Variants in HYDIN observed in about 807,000 individuals in gnomAD.
The protein encoded by HYDIN is axonemal central pair apparatus protein HYDIN.
HYDIN carries 132 observed loss-of-function variants against 403.9 expected under a neutral mutation model. The observed-to-expected ratio is 0.33, with a 90% CI of 0.28 to 0.38. HYDIN has a LOEUF of 0.38. Among genes scored for constraint, HYDIN ranks in the 10% least tolerant of loss-of-function variants. The probability of loss-of-function intolerance (pLI) is 1.00; values close to 1 mark genes in which losing one functional copy is unlikely to be tolerated. For synonymous variants in HYDIN, 1,202 were observed against 1,891.7 expected, an observed-to-expected ratio of 0.64 and a Z score of 9.46; for missense variants, 2,827 against 5,009.5, an observed-to-expected ratio of 0.56 and a Z score of 13.15.
At chr16:71,130,529 G>A (rs921769024) in intron 8 of HYDIN, among the ~76,000 whole-genome samples, 13 of 129,110 alleles carry the variant, frequency 1.0e-4, no homozygotes, top group South Asian at 8.4e-4. Flanking sequence ...CGCCCAGGCC[G>A]GACTGCGGAC....
chr16:71,176,837 G>A (rs551631662), intron 4 of HYDIN, among the ~76,000 whole-genome samples: 6 of 152,140 alleles, frequency 3.9e-5, no homozygotes, highest in Non-Finnish European at 8.8e-5. Flanking sequence ...TGTGAGGGAC[G>A]GAGACACAAA....
intron 1 of HYDIN, among the ~76,000 whole-genome samples, chr16:71,209,634 A>G (rs781081368): frequency 7.2e-5 from 11 of 152,046 alleles, no homozygotes; most frequent in African/African-American, 2.7e-4. Context: ...TATCTAGAAA[A>G]CCCCACGGTC....
At position 71,128,113 on chromosome 16, in the gene HYDIN, G is replaced by C. The variant is rs1051957996; in HGVS notation, c.1227+1527C>G. Reference sequence around the variant, plus strand: ...CCTGTCCTGTGAGACTCAGGCCCAGGTTCTTCTCTCAAGAAGCCTTCTCCA... The same window carrying C: ...CCTGTCCTGTGAGACTCAGGCCCAGCTTCTTCTCTCAAGAAGCCTTCTCCA... On this transcript the variant is annotated intron_variant, in intron 9 of 85. Transcript: ENST00000393567. Among the ~76,000 whole-genome samples the C allele has an allele frequency of 5.9e-5, 9 of 151,978 alleles. 1 individual carries two copies. The highest frequency in any genetic ancestry group is 2.2e-4 in the African/African-American group (9 of 41,366).
intron 45 of HYDIN, among the ~76,000 whole-genome samples, chr16:70,931,730 A>G (rs1467107879): frequency 6.6e-6 from 1 of 152,156 alleles, no homozygotes; most frequent in East Asian, 1.9e-4. Flanking sequence ...AAAGGCAAAA[A>G]CAGGCTGGGT....
At chr16:71,019,239 T>G (rs996022800) in intron 22 of HYDIN, among the ~76,000 whole-genome samples, 1 of 152,278 alleles carries the variant, frequency 6.6e-6, no homozygotes, top group Admixed American at 6.5e-5. Context: ...TTAATGGGCA[T>G]GAAAGCCACC....
chr16:71,178,453 G>GTA (rs1414298629), intron 4 of HYDIN, among the ~76,000 whole-genome samples: 24 of 131,042 alleles, frequency 1.8e-4, no homozygotes, highest in Middle Eastern at 3.9e-3. Flanking sequence ...ATATATATAT[G>GTA]TATATATATA....
intron 1 of HYDIN, among the ~76,000 whole-genome samples, chr16:71,229,275 T>C (rs1447783449): frequency 6.6e-6 from 1 of 152,122 alleles, no homozygotes; most frequent in East Asian, 1.9e-4. Flanking sequence ...CTGCACGTTG[T>C]GCACATATAC....
At chr16:71,227,645 C>A (rs1348217064) in intron 1 of HYDIN, among the ~76,000 whole-genome samples, 1 of 152,184 alleles carries the variant, frequency 6.6e-6, no homozygotes, top group Non-Finnish European at 1.5e-5. Flanking sequence ...GTACAAACCA[C>A]TGCTCAACGA....
At chr16:71,161,286 G>A (rs1253594778) in intron 6 of HYDIN, among the ~76,000 whole-genome samples, 1 of 152,138 alleles carries the variant, frequency 6.6e-6, no homozygotes, top group Non-Finnish European at 1.5e-5. Flanking sequence ...GCGGAGCTCA[G>A]GCGGTAATGC....
intron 17 of HYDIN, 77 bp downstream of exon 17, chr16:71,062,092 G>A: frequency 8.8e-7 from 1 of 1,131,316 alleles, no homozygotes; most frequent in Non-Finnish European, 1.3e-6. Context: ...TATGGTGTGG[G>A]CCTCAAATGA....
chr16:70,922,886 C>T (rs1428817697), intron 45 of HYDIN, among the ~76,000 whole-genome samples: 12 of 149,342 alleles, frequency 8.0e-5, no homozygotes, highest in African/African-American at 2.7e-4. Flanking sequence ...CCCACCTCAG[C>T]CTCCCAAGTA....
intron 75 of HYDIN, among the ~76,000 whole-genome samples, chr16:70,849,296 A>G (rs1400884628): frequency 6.6e-6 from 1 of 152,024 alleles, no homozygotes; most frequent in African/African-American, 2.4e-5. Context: ...CAAGCCTATT[A>G]TTAATTTTCA....
intron 58 of HYDIN, among the ~76,000 whole-genome samples, chr16:70,884,504 T>C (rs948492264): frequency 2.6e-5 from 4 of 152,108 alleles, no homozygotes; most frequent in Non-Finnish European, 5.9e-5. Flanking sequence ...ACGCCTGGGT[T>C]TGAATCCCAG....
At chr16:71,139,723 A>G (rs1450716409) in intron 7 of HYDIN, among the ~76,000 whole-genome samples, 1 of 152,126 alleles carries the variant, frequency 6.6e-6, no homozygotes, top group Non-Finnish European at 1.5e-5. Flanking sequence ...ATATATGAAA[A>G]ATACAGTGGA....
chr16:71,081,204 T>C (rs1042420848), intron 12 of HYDIN, among the ~76,000 whole-genome samples: 1 of 152,180 alleles, frequency 6.6e-6, no homozygotes, highest in African/African-American at 2.4e-5. Context: ...CCATGATCCA[T>C]GTAAAGACAT....
At chr16:70,872,309 G>C (rs2040159119) in intron 64 of HYDIN, 130 bp from the exon 65 acceptor site, 1 of 536,260 alleles carries the variant, frequency 1.9e-6, no homozygotes, top group East Asian at 3.4e-5. Context: ...GAGAAACCTA[G>C]AATCTCTGAG....
intron 15 of HYDIN, chr16:71,066,441 C>G (rs2144291137): frequency 6.3e-6 from 1 of 158,146 alleles, no homozygotes; most frequent in African/African-American, 2.4e-5. Flanking sequence ...AAGTGTATGT[C>G]TTCCTAAGAT....
At chr16:71,217,405 T>A (rs375956177) in intron 1 of HYDIN, among the ~76,000 whole-genome samples, 50 of 152,336 alleles carry the variant, frequency 3.3e-4, no homozygotes, top group African/African-American at 1.1e-3. Context: ...CTCATGATAA[T>A]GTCTGTGCTA....
chr16:70,850,673 C>G lies in HYDIN; in HGVS notation c.12444-18G>C. 6.2e-7 allele frequency: 1 copy of G among 1,604,388 alleles called. No homozygotes were observed. Among genetic ancestry groups the G allele is most frequent in the South Asian group, 1.1e-5 (1 of 90,560 alleles). ...TTGGGAACCTGGTTGGGGAACAAAA[C>G]AGCAGATTACCTGACTAGGCCAACT... On this transcript the variant is annotated intron_variant, in intron 73 of 85. Transcript: ENST00000393567.
Sources: allele counts gnomAD v4.1 joint callset (sites outside exome capture counted in the v4.1 genomes callset), GRCh38; gene constraint gnomAD v4.1.1; transcripts MANE v1.5; gene names NCBI Gene and HGNC (gene_info 2026-07-23, HGNC 2026-07-21).